Variants in DPP10 observed in about 807,000 individuals in gnomAD.
DPP10 encodes inactive dipeptidyl peptidase 10.
DPP10 carries 33 observed loss-of-function variants against 120.9 expected under a neutral mutation model. The ratio of observed to expected loss-of-function variants is 0.27; its 90% CI spans 0.21 to 0.37. The LOEUF is 0.37. DPP10 is among the 10% of genes least tolerant of loss of function. The probability of loss-of-function intolerance (pLI) is 1.00; values close to 1 mark genes in which losing one functional copy is unlikely to be tolerated. For synonymous variants in DPP10, 337 were observed against 326.1 expected (o/e 1.03, Z -0.36); for missense variants, 816 against 942.8 (o/e 0.87, Z 1.76).
chr2:115,078,709 C>T (rs1335737350), intron 1 of DPP10, among the ~76,000 whole-genome samples: 2 of 152,070 alleles, frequency 1.3e-5, no homozygotes, highest in Non-Finnish European at 2.9e-5. Context: ...ATATACAACA[C>T]GGGATTGGTC....
At chr2:115,156,972 G>A (rs1011413925) in intron 1 of DPP10, among the ~76,000 whole-genome samples, 3 of 151,746 alleles carry the variant, frequency 2.0e-5, no homozygotes, top group Admixed American at 6.6e-5. Context: ...TTACTGTGCC[G>A]ACATAACCAA....
At chr2:115,038,310 G>A (rs866148085) in intron 1 of DPP10, among the ~76,000 whole-genome samples, 1 of 151,174 alleles carries the variant, frequency 6.6e-6, no homozygotes, top group Non-Finnish European at 1.5e-5. Flanking sequence ...TCGCTCTGTT[G>A]CCCAGGCTGG....
intron 5 of DPP10, among the ~76,000 whole-genome samples, chr2:115,540,729 G>C (rs1327106641): frequency 6.6e-6 from 1 of 151,752 alleles, no homozygotes; most frequent in Non-Finnish European, 1.5e-5. Context: ...AAAAAATTCT[G>C]TCCATAATAT....
intron 3 of DPP10, among the ~76,000 whole-genome samples, chr2:115,353,382 TTGAG>T (rs1268289535): frequency 6.6e-6 from 1 of 152,154 alleles, no homozygotes; most frequent in Non-Finnish European, 1.5e-5. Context: ...GAAAATAAAG[TTGAG>T]TAACTCAGTA....
At chr2:114,897,669 C>A (rs1330276617) in intron 1 of DPP10, among the ~76,000 whole-genome samples, 1 of 151,780 alleles carries the variant, frequency 6.6e-6, no homozygotes, top group Non-Finnish European at 1.5e-5. Context: ...CAAACAACCC[C>A]ATCAAAAAGT....
chr2:115,812,962 T>C (rs1686804758), intron 19 of DPP10, among the ~76,000 whole-genome samples: 1 of 114,722 alleles, frequency 8.7e-6, no homozygotes, highest in African/African-American at 3.2e-5. Context: ...TGACTGGATA[T>C]CTTTTTTTTT....
intron 1 of DPP10, among the ~76,000 whole-genome samples, chr2:115,084,516 G>A (rs1420481504): frequency 6.6e-6 from 1 of 152,218 alleles, no homozygotes; most frequent in African/African-American, 2.4e-5. Context: ...CTGGTACTAT[G>A]ATTGCAGTGC....
intron 1 of DPP10, among the ~76,000 whole-genome samples, chr2:114,849,033 G>C (rs956980699): frequency 6.6e-6 from 1 of 152,186 alleles, no homozygotes; most frequent in African/African-American, 2.4e-5. Flanking sequence ...ATTCATGAGA[G>C]CACTGCAATA....
At chr2:114,833,386 A>T (rs1193755733) in intron 1 of DPP10, 1 of 152,064 alleles carries the variant, frequency 6.6e-6, no homozygotes, top group African/African-American at 2.4e-5. Flanking sequence ...GTTTCAGCTG[A>T]TATATTTTTC....
chr2:115,155,769 A>C (rs1286129716), intron 1 of DPP10, among the ~76,000 whole-genome samples: 1 of 152,248 alleles, frequency 6.6e-6, no homozygotes, highest in African/African-American at 2.4e-5. Context: ...ATATTTAGGC[A>C]TAACCAGTGG....
chr2:115,436,605 CATT>C (rs1233620251), intron 3 of DPP10, among the ~76,000 whole-genome samples: 1 of 151,730 alleles, frequency 6.6e-6, no homozygotes, highest in Non-Finnish European at 1.5e-5. Context: ...CACTTTTAAA[CATT>C]ATTTATTGAG....
intron 2 of DPP10, among the ~76,000 whole-genome samples, chr2:115,310,600 A>G (rs1172785110): frequency 6.6e-6 from 1 of 152,106 alleles, no homozygotes; most frequent in Admixed American, 6.6e-5. Flanking sequence ...ATTCCCTGGT[A>G]AAAGTTGGCT....
intron 1 of DPP10, among the ~76,000 whole-genome samples, chr2:115,067,861 CAA>C (rs201964006): frequency 2.3e-5 from 2 of 86,848 alleles, no homozygotes; most frequent in African/African-American, 4.0e-5. Flanking sequence ...GACTCTGTCT[CAA>C]AAAAAAAAAA....
At chr2:114,736,579 A>T (rs112823645) in intron 1 of DPP10, among the ~76,000 whole-genome samples, 8 of 152,342 alleles carry the variant, frequency 5.3e-5, no homozygotes, top group African/African-American at 1.9e-4. Context: ...ATTTATAGTT[A>T]ATTATCTGGA....
intron 1 of DPP10, among the ~76,000 whole-genome samples, chr2:114,480,974 T>C (rs1573452957): frequency 6.6e-6 from 1 of 151,450 alleles, no homozygotes; most frequent in African/African-American, 2.4e-5. Flanking sequence ...TTTATAAAAA[T>C]CAACTTAAAA....
intron 3 of DPP10, among the ~76,000 whole-genome samples, chr2:115,396,237 T>G (rs972061455): frequency 2.0e-5 from 3 of 152,184 alleles, no homozygotes; most frequent in African/African-American, 7.2e-5. Flanking sequence ...CCTGTGCCTT[T>G]TCAAGAAGAG....
chr2:114,908,083 T>G (rs1694105399), intron 1 of DPP10, among the ~76,000 whole-genome samples: 1 of 152,062 alleles, frequency 6.6e-6, no homozygotes, highest in Non-Finnish European at 1.5e-5. Flanking sequence ...ATATTTATTT[T>G]TTGTTTTAAA....
intron 1 of DPP10, among the ~76,000 whole-genome samples, chr2:114,755,249 G>A (rs1239106329): frequency 6.6e-6 from 1 of 152,138 alleles, no homozygotes; most frequent in Non-Finnish European, 1.5e-5. Context: ...TTCCTCCATT[G>A]TGTACCTAGC....
chr2:115,380,418 C>A (rs1225101788), intron 3 of DPP10, among the ~76,000 whole-genome samples: 1 of 152,124 alleles, frequency 6.6e-6, no homozygotes, highest in Non-Finnish European at 1.5e-5. Flanking sequence ...GATCTTCTTC[C>A]ATCCTTTGGT....
Sources: allele counts gnomAD v4.1 joint callset (sites outside exome capture counted in the v4.1 genomes callset), GRCh38; gene constraint gnomAD v4.1.1; transcripts MANE v1.5; gene names NCBI Gene and HGNC (gene_info 2026-07-23, HGNC 2026-07-21).